The following DDC variants were observed in gnomAD, a reference collection of about 807,000 sequenced individuals.
DDC encodes the protein aromatic-L-amino-acid decarboxylase.
A neutral mutation model predicts 60.0 loss-of-function variants in DDC; 43 were observed. That is an observed-to-expected ratio of 0.72 (90% confidence interval 0.56 to 0.92). DDC has a LOEUF of 0.92. DDC is among the 40% of genes least tolerant of loss of function. The probability of loss-of-function intolerance (pLI) is 0.00; values close to 1 mark genes in which losing one functional copy is unlikely to be tolerated. For missense variants in DDC, 573 were observed against 620.2 expected (o/e 0.92, Z 0.81); for synonymous variants, 232 against 234.6 (o/e 0.99, Z 0.10).
intron 1 of DDC, among the ~76,000 whole-genome samples, chr7:50,560,750 T>C (rs972741712): frequency 1.3e-5 from 2 of 152,228 alleles, no homozygotes; most frequent in South Asian, 2.1e-4. Context: ...TCAGATTCTC[T>C]GCCTGACCTG....
intron 1 of DDC, among the ~76,000 whole-genome samples, chr7:50,558,432 C>T (rs1353113182): frequency 6.6e-6 from 1 of 152,154 alleles, no homozygotes; most frequent in Non-Finnish European, 1.5e-5. Flanking sequence ...AGCTGCTGGC[C>T]TGGGGCCTGG....
intron 8 of DDC, 32 bp from the exon 9 acceptor site, chr7:50,495,449 C>T: frequency 1.3e-6 from 2 of 1,515,868 alleles, no homozygotes; most frequent in Admixed American, 1.7e-5. Flanking sequence ...AAAAAGAAAA[C>T]ATTTTCTTTA....
At chr7:50,506,647 G>A (rs76606648) in intron 6 of DDC, among the ~76,000 whole-genome samples, 26 of 152,344 alleles carry the variant, frequency 1.7e-4, no homozygotes, top group African/African-American at 6.3e-4. Flanking sequence ...AAGGCACAGT[G>A]AATACAGATA....
Position 50,504,298 on chromosome 7 carries a change from C to T in DDC, c.715-239G>A, listed in dbSNP as rs3823674. Among the ~76,000 whole-genome samples the T allele has an allele frequency of 0.39, 58,716 of 151,978 alleles. 11,526 individuals are homozygous for T. Among genetic ancestry groups the T allele is most frequent in the Non-Finnish European group, 0.43 (29,323 of 67,944 alleles). On this transcript the variant is annotated intron_variant, in intron 6 of 14. Coordinates refer to ENST00000444124, the MANE Select transcript of DDC (RefSeq NM_001082971.2). ...AAAACTAAGCTCTGAGGTTAGAAAC[C>T]GGGAAGTTGCAAAAGATTTTCCAGG...
In DDC at chr7:50,492,919, A is replaced by T. The variant is rs1419010549; in HGVS notation, c.944+2431T>A. On this transcript the variant is annotated intron_variant, in intron 9 of 14. Transcript: ENST00000444124. ...GCATCAGCTCTGCGGCAGGCACTCCACGTCCCGAAAGGCTCAACTCCTTCT... is the reference window on the plus strand; with the variant it reads ...GCATCAGCTCTGCGGCAGGCACTCCTCGTCCCGAAAGGCTCAACTCCTTCT... 1.9e-6 allele frequency: 3 copies of T among 1,597,004 alleles called. No individual in the cohort carries two copies. The African/African-American group carries it at 4.0e-5, about 21-fold the overall frequency.
rs764101547 is a variant in DDC at position 50,461,046 on chromosome 7, T to TA, written c.*18+2166dup. ...GTGAGAAACACCCAAGAATGATCAA[T>TA]AAAAAAAAAAATAAATAAATAAATA... is the stretch of plus-strand genomic sequence containing the variant. On this transcript the variant is annotated intron_variant, in intron 14 of 14. Transcript: ENST00000444124. Among the ~76,000 whole-genome samples the TA allele has an allele frequency of 4.6e-3, 606 of 131,020 alleles. 1 individual carries two copies. The highest frequency in any genetic ancestry group is 7.6e-3 in the Non-Finnish European group (455 of 59,580). The allele number at this position is 131,020 out of a possible 152,430, so 86.0% of individuals were successfully genotyped here. A position where few individuals can be genotyped will look rare whatever the true frequency, so the allele number is the denominator to read the frequency against.
chr7:50,558,601 C>T (rs757331160), intron 1 of DDC, among the ~76,000 whole-genome samples: 5 of 152,328 alleles, frequency 3.3e-5, no homozygotes, highest in East Asian at 1.9e-4. Flanking sequence ...TCACTGAACA[C>T]GCTCACAACA....
intron 4 of DDC, among the ~76,000 whole-genome samples, chr7:50,531,406 A>T (rs768614939): frequency 9.2e-5 from 14 of 152,100 alleles, no homozygotes; most frequent in Non-Finnish European, 1.8e-4. Context: ...GGTGGAAGGC[A>T]CAATTCCCTG....
chr7:50,562,578 A>G (rs1332540098), intron 1 of DDC, among the ~76,000 whole-genome samples: 1 of 152,024 alleles, frequency 6.6e-6, no homozygotes, highest in East Asian at 1.9e-4. Flanking sequence ...AGGAACACAG[A>G]CTCCCACTTT....
At chr7:50,504,964 G>A (rs993644090) in intron 6 of DDC, among the ~76,000 whole-genome samples, 2 of 152,142 alleles carry the variant, frequency 1.3e-5, no homozygotes, top group Admixed American at 1.3e-4. Flanking sequence ...AAATCCTCAG[G>A]AGGTCATGAG....
intron 9 of DDC, among the ~76,000 whole-genome samples, chr7:50,484,034 T>C (rs2042829184): frequency 1.3e-5 from 2 of 152,242 alleles, no homozygotes; most frequent in African/African-American, 2.4e-5. Context: ...TCATGTTTTG[T>C]TGTAGTTATT....
intron 9 of DDC, among the ~76,000 whole-genome samples, chr7:50,487,099 G>T (rs1017893278): frequency 6.6e-6 from 1 of 152,132 alleles, no homozygotes; most frequent in Admixed American, 6.6e-5. Context: ...GCCTGGGTCT[G>T]TTATGTCTAT....
chr7:50,526,652 T>G (rs1488002768), intron 6 of DDC, among the ~76,000 whole-genome samples: 1 of 152,096 alleles, frequency 6.6e-6, no homozygotes, highest in Non-Finnish European at 1.5e-5. Flanking sequence ...ATGAACAAAA[T>G]AAATATCAAT....
intron 12 of DDC, among the ~76,000 whole-genome samples, chr7:50,468,254 CG>C (rs975735987): frequency 3.9e-5 from 6 of 152,210 alleles, no homozygotes; most frequent in Non-Finnish European, 1.5e-5. Flanking sequence ...AGCCGGTTCC[CG>C]CCCAAGGAGA....
Position 50,539,944 on chromosome 7 carries a change from C to T in DDC, c.286G>A (p.Gly96Arg), listed in dbSNP as rs1285477390. 63 of 1,613,848 alleles carry T rather than the reference C, an allele frequency of 3.9e-5. No homozygotes were observed. Among genetic ancestry groups the T allele is most frequent in the Non-Finnish European group, 5.3e-5 (62 of 1,179,968 alleles). ...YPAMLADMLC[G>R]AIGCIGFSWA... ...GAGAAGCCGATGCAGCCAATGGCCC[C>T]GCACAGCATGTCCGCAAGCATGGCC... The change falls in exon 3 of 15, where the codon GGG (glycine) becomes AGG (arginine). Residue 96 changes from glycine to arginine, a missense_variant. Physicochemically the swap from Gly to Arg is moderately radical, Grantham distance 125. Coordinates refer to ENST00000444124, the MANE Select transcript of DDC (RefSeq NM_001082971.2).
At chr7:50,481,794 T>A (rs915267743) in intron 9 of DDC, among the ~76,000 whole-genome samples, 1 of 152,226 alleles carries the variant, frequency 6.6e-6, no homozygotes, top group Non-Finnish European at 1.5e-5. Context: ...CTGCTAAACA[T>A]ACTGTACCAT....
chr7:50,477,876 C>G (rs2042681355), intron 10 of DDC, among the ~76,000 whole-genome samples: 1 of 152,140 alleles, frequency 6.6e-6, no homozygotes, highest in Non-Finnish European at 1.5e-5. Flanking sequence ...AACAACAACA[C>G]TCAACAGAGT....
At chr7:50,558,628 G>A (rs1041362244) in intron 1 of DDC, among the ~76,000 whole-genome samples, 1 of 152,222 alleles carries the variant, frequency 6.6e-6, no homozygotes, top group African/African-American at 2.4e-5. Context: ...GGCCAGTAGA[G>A]TTATTGCTGT....
At chr7:50,510,922 A>C (rs1309148868) in intron 6 of DDC, among the ~76,000 whole-genome samples, 1 of 143,374 alleles carries the variant, frequency 7.0e-6, no homozygotes, top group East Asian at 2.2e-4. Context: ...TGGAGTTTGC[A>C]GTGAGCCGAG....
Sources: gnomAD v4.1 joint callset for allele counts (sites outside exome capture counted in the v4.1 genomes callset) on GRCh38, gnomAD v4.1.1 for gene constraint, MANE v1.5 for transcripts, NCBI Gene and HGNC (gene_info 2026-07-23, HGNC 2026-07-21) for gene names.